The following TACR1 variants were observed in gnomAD, a reference collection of about 807,000 sequenced individuals.
TACR1 encodes substance-P receptor.
In TACR1, 25 loss-of-function variants were observed where a neutral mutation model predicts 35.8. The ratio of observed to expected loss-of-function variants is 0.70; its 90% CI spans 0.51 to 0.98. The LOEUF (loss-of-function observed/expected upper bound fraction) is 0.98. TACR1 is among the 50% of genes least tolerant of loss of function. The probability of loss-of-function intolerance (pLI) is 0.00; values close to 1 mark genes in which losing one functional copy is unlikely to be tolerated. For synonymous variants in TACR1, 195 were observed against 206.7 expected, an observed-to-expected ratio of 0.94 and a Z score of 0.48; for missense variants, 478 against 522.9, an observed-to-expected ratio of 0.91 and a Z score of 0.84.
chr2:75,132,504 A>C (rs1215573744), intron 1 of TACR1, among the ~76,000 whole-genome samples: 1 of 152,002 alleles, frequency 6.6e-6, no homozygotes, highest in Admixed American at 6.5e-5. Flanking sequence ...CTCACTCCTC[A>C]TATTGTCAGA....
intron 1 of TACR1, among the ~76,000 whole-genome samples, chr2:75,132,714 G>A (rs1166035270): frequency 6.6e-6 from 1 of 152,138 alleles, no homozygotes; most frequent in Non-Finnish European, 1.5e-5. Flanking sequence ...CTTGTTGAAG[G>A]TGGGTTCCTT....
chr2:75,189,575 T>C (rs1675794565), intron 1 of TACR1: 1 of 152,200 alleles, frequency 6.6e-6, no homozygotes, highest in African/African-American at 2.4e-5. Flanking sequence ...GTGTAACACC[T>C]AGGAGGATTT....
In TACR1 at chr2:75,062,410, TAAG is replaced by T. The variant is rs548750166; in HGVS notation, c.585-8658_585-8656del. On this transcript the variant is annotated intron_variant, in intron 2 of 4. Transcript: ENST00000305249. ...ACACACACTCATATTTGTACACACA[TAAG>T]AATACTGTTAGATTACTTTGAAAAC... 2.9e-3 allele frequency among the ~76,000 whole-genome samples: 443 copies of T among 152,324 alleles called. 2 individuals are homozygous for T. The highest frequency in any genetic ancestry group is 0.017 in the Middle Eastern group (5 of 294).
intron 1 of TACR1, among the ~76,000 whole-genome samples, chr2:75,126,291 A>G (rs923369829): frequency 5.3e-5 from 8 of 152,230 alleles, no homozygotes; most frequent in African/African-American, 1.9e-4. Flanking sequence ...ATAGTATTCC[A>G]TGGTGTATAT....
rs540341263 is a variant in TACR1, at chr2:75,132,912, G to A, written c.390-12144C>T. 4.6e-5 allele frequency among the ~76,000 whole-genome samples: 7 copies of A among 152,184 alleles called. No individual in the cohort carries two copies. The South Asian group carries it at 1.0e-3, about 23-fold the overall frequency. On this transcript the variant is annotated intron_variant, in intron 1 of 4. Transcript: ENST00000305249. ...GAAGAGATTTTTTTTGTTTTCTGTC[G>A]ACAGCACCAAGGTTGGAGATGGGCA... is the stretch of plus-strand genomic sequence containing the variant.
At chr2:75,115,763 C>T (rs1206908647) in intron 2 of TACR1, among the ~76,000 whole-genome samples, 5 of 151,684 alleles carry the variant, frequency 3.3e-5, no homozygotes, top group Non-Finnish European at 7.4e-5. Context: ...AAAAATTAGC[C>T]GGGCATGGTG....
intron 1 of TACR1, among the ~76,000 whole-genome samples, chr2:75,181,193 C>A (rs368240867): frequency 2.0e-5 from 3 of 152,114 alleles, no homozygotes; most frequent in East Asian, 3.8e-4. Context: ...GGAATCATTA[C>A]CAATTGTTTC....
intron 1 of TACR1, among the ~76,000 whole-genome samples, chr2:75,181,052 C>T (rs1226417819): frequency 6.6e-6 from 1 of 152,192 alleles, no homozygotes; most frequent in Non-Finnish European, 1.5e-5. Context: ...ATTTCTAACT[C>T]TTTACTCTCT....
At chr2:75,163,728 A>G (rs1025940071) in intron 1 of TACR1, among the ~76,000 whole-genome samples, 29 of 152,334 alleles carry the variant, frequency 1.9e-4, no homozygotes, top group African/African-American at 6.5e-4. Flanking sequence ...AATCAATTCA[A>G]TATAAAAATG....
intron 2 of TACR1, among the ~76,000 whole-genome samples, chr2:75,065,523 C>A (rs1042374816): frequency 6.6e-6 from 1 of 152,080 alleles, no homozygotes; most frequent in Non-Finnish European, 1.5e-5. Flanking sequence ...AGCTGAGTAT[C>A]GCATCGCCGC....
chr2:75,092,406 G>C (rs1269127046), intron 2 of TACR1, among the ~76,000 whole-genome samples: 3 of 151,992 alleles, frequency 2.0e-5, no homozygotes, highest in Non-Finnish European at 2.9e-5. Context: ...CTCTCTTTGG[G>C]CAGTCTTTGG....
chr2:75,055,889 C>G (rs532924115), intron 2 of TACR1, among the ~76,000 whole-genome samples: 1 of 152,132 alleles, frequency 6.6e-6, no homozygotes, highest in South Asian at 2.1e-4. Flanking sequence ...CAAGAGATGC[C>G]GATGTTGCTG....
At chr2:75,165,041 G>A (rs1355071951) in intron 1 of TACR1, among the ~76,000 whole-genome samples, 1 of 152,196 alleles carries the variant, frequency 6.6e-6, no homozygotes, top group Non-Finnish European at 1.5e-5. Flanking sequence ...AGCATGAGCA[G>A]GAGCATTGGA....
At chr2:75,181,234 C>G (rs1221046624) in intron 1 of TACR1, among the ~76,000 whole-genome samples, 1 of 152,126 alleles carries the variant, frequency 6.6e-6, no homozygotes, top group Non-Finnish European at 1.5e-5. Context: ...TCCCACTCCT[C>G]TTAATTTTAT....
intron 2 of TACR1, among the ~76,000 whole-genome samples, chr2:75,105,360 G>T (rs982298627): frequency 6.6e-6 from 1 of 152,012 alleles, no homozygotes; most frequent in South Asian, 2.1e-4. Flanking sequence ...GAGTAGAATG[G>T]TAGTTTCTAG....
chr2:75,165,558 T>G (rs1362501999), intron 1 of TACR1, among the ~76,000 whole-genome samples: 1 of 152,060 alleles, frequency 6.6e-6, no homozygotes, highest in African/African-American at 2.4e-5. Flanking sequence ...TGCCCCTGCC[T>G]CAGCCTCCCA....
chr2:75,115,084 CGTGTGTGTGT>C (rs3079164), intron 2 of TACR1, among the ~76,000 whole-genome samples: 3,924 of 148,598 alleles, frequency 0.026, 151 homozygotes, highest in African/African-American at 0.086. Context: ...TGTTAACATA[CGTGTGTGTGT>C]GTGTGTGTGT....
chr2:75,180,253 C>G, intron 1 of TACR1, among the ~76,000 whole-genome samples: 1 of 152,194 alleles, frequency 6.6e-6, no homozygotes, highest in South Asian at 2.1e-4. Flanking sequence ...TGCTTGGTGT[C>G]TATCACTCTA....
At chr2:75,137,778 C>T (rs1199360808) in intron 1 of TACR1, among the ~76,000 whole-genome samples, 1 of 148,202 alleles carries the variant, frequency 6.7e-6, no homozygotes, top group Non-Finnish European at 1.5e-5. Flanking sequence ...AGAAATCCAG[C>T]TGTCCAGGAA....
Sources: allele counts gnomAD v4.1 joint callset (sites outside exome capture counted in the v4.1 genomes callset), GRCh38; gene constraint gnomAD v4.1.1; transcripts MANE v1.5; gene names NCBI Gene and HGNC (gene_info 2026-07-23, HGNC 2026-07-21).